ARID4B: variants seen among roughly 807,000 people sequenced by gnomAD.
ARID4B encodes the protein AT-rich interaction domain 4B.
In ARID4B, 26 loss-of-function variants were observed where a neutral mutation model predicts 147.5. That is an observed-to-expected ratio of 0.18 (90% CI 0.13 to 0.24). The LOEUF is 0.24. ARID4B is among the 10% of genes least tolerant of loss of function. The pLI, the probability that ARID4B is intolerant of heterozygous loss-of-function variation, is 1.00. For synonymous variants in ARID4B, 512 were observed against 507.9 expected (o/e 1.01, Z -0.11); for missense variants, 1,179 against 1,511.5 (o/e 0.78, Z 3.65).
At chr1:235,238,126 A>G (rs191514416) in intron 8 of ARID4B, among the ~76,000 whole-genome samples, 2,282 of 149,688 alleles carry the variant, frequency 0.015, 23 homozygotes, top group Non-Finnish European at 0.024. Context: ...CTGGGCAACA[A>G]GGGCGAAACT....
chr1:235,319,730 G>A (rs1180306454), intron 2 of ARID4B, among the ~76,000 whole-genome samples: 1 of 152,114 alleles, frequency 6.6e-6, no homozygotes, highest in Non-Finnish European at 1.5e-5. Flanking sequence ...AGGACGGCCA[G>A]GTGCAGTGGC....
At chr1:235,305,949 G>A (rs1572203293) in intron 2 of ARID4B, among the ~76,000 whole-genome samples, 1 of 152,210 alleles carries the variant, frequency 6.6e-6, no homozygotes, top group African/African-American at 2.4e-5. Context: ...AACAGAGCAA[G>A]AAACTCTGTC....
intron 21 of ARID4B, chr1:235,177,006 G>A (rs192016234): frequency 1.1e-5 from 5 of 461,078 alleles, no homozygotes; most frequent in South Asian, 3.1e-5. Flanking sequence ...TATTTTCTGT[G>A]GATTGATGCA....
intron 20 of ARID4B, among the ~76,000 whole-genome samples, chr1:235,179,787 T>C (rs1451913421): frequency 6.6e-6 from 1 of 151,406 alleles, no homozygotes; most frequent in Non-Finnish European, 1.5e-5. Context: ...ACTACAACAA[T>C]AGGCTAGGCA....
At chr1:235,215,313 G>A (rs1189444824) in intron 16 of ARID4B, among the ~76,000 whole-genome samples, 1 of 151,806 alleles carries the variant, frequency 6.6e-6, no homozygotes, top group East Asian at 1.9e-4. Flanking sequence ...TGAAATCCAA[G>A]GCTACATTTA....
At position 235,327,990 on chromosome 1, in the gene ARID4B, A is replaced by C. The variant is rs1675464127; in HGVS notation, c.-271T>G. 6.6e-6 allele frequency: 1 copy of C among 152,050 alleles called. No individual in the cohort carries two copies. Among genetic ancestry groups the C allele is most frequent in the Non-Finnish European group, 1.5e-5 (1 of 68,162 alleles). 9.4% of individuals were successfully genotyped at this position (152,050 alleles called of 1,614,324 possible). The stretch of plus-strand genomic sequence containing the variant: ...GTTGGGGGGAGGGGGACGACGAAAA[A>C]TCCCCCCCGGACTGGAGGTCCGGGC... On this transcript the variant is annotated 5_prime_UTR_variant, in exon 1 of 24. Coordinates refer to ENST00000264183, the MANE Select transcript of ARID4B (RefSeq NM_016374.6).
At chr1:235,194,235 C>T (rs371292438) in intron 18 of ARID4B, 24 bp from the exon 19 acceptor site, 164 of 1,517,196 alleles carry the variant, frequency 1.1e-4, no homozygotes, top group Non-Finnish European at 1.3e-4. Flanking sequence ...AAAAGTATGT[C>T]GTAATTTATC....
chr1:235,253,426 T>C (rs1350511741), intron 5 of ARID4B, among the ~76,000 whole-genome samples: 2 of 152,188 alleles, frequency 1.3e-5, no homozygotes, highest in Non-Finnish European at 2.9e-5. Context: ...CTCCAGGCAT[T>C]GCCAAATGTT....
intron 2 of ARID4B, among the ~76,000 whole-genome samples, chr1:235,263,863 G>A (rs1026083728): frequency 8.6e-5 from 13 of 151,856 alleles, no homozygotes; most frequent in African/African-American, 2.7e-4. Flanking sequence ...GCGTGGTGGC[G>A]CACACCTGTA....
At chr1:235,191,905 C>T (rs1245998460) in intron 19 of ARID4B, among the ~76,000 whole-genome samples, 1 of 152,022 alleles carries the variant, frequency 6.6e-6, no homozygotes, top group African/African-American at 2.4e-5. Flanking sequence ...GGGTGAAACC[C>T]CATCTCTACA....
chr1:235,200,783 GA>G (rs1665860385), intron 17 of ARID4B, among the ~76,000 whole-genome samples: 1 of 152,126 alleles, frequency 6.6e-6, no homozygotes, highest in Admixed American at 6.5e-5. Context: ...TAATAGATAA[GA>G]AAATAGTCAA....
chr1:235,276,774 G>C (rs936744232), intron 2 of ARID4B, among the ~76,000 whole-genome samples: 2 of 152,026 alleles, frequency 1.3e-5, no homozygotes, highest in Non-Finnish European at 2.9e-5. Flanking sequence ...GAAGCAGGGG[G>C]GATCACCTGA....
At chr1:235,217,529 G>A (rs1244108740) in intron 16 of ARID4B, among the ~76,000 whole-genome samples, 3 of 152,026 alleles carry the variant, frequency 2.0e-5, no homozygotes. Context: ...GTATCAGCAA[G>A]GATTTTCATC....
chr1:235,327,368 CGAG>C (rs1675376363), intron 1 of ARID4B: 1 of 152,756 alleles, frequency 6.5e-6, no homozygotes, highest in Admixed American at 6.5e-5. Flanking sequence ...CGGGGGCCAC[CGAG>C]GGGCCAGGAG....
intron 2 of ARID4B, among the ~76,000 whole-genome samples, chr1:235,285,875 TCTC>T (rs1312889739): frequency 1.3e-5 from 2 of 152,172 alleles, no homozygotes; most frequent in African/African-American, 4.8e-5. Flanking sequence ...GGCAGAGAGT[TCTC>T]ATTCTGAGAG....
intron 2 of ARID4B, among the ~76,000 whole-genome samples, chr1:235,271,055 T>A (rs1305610744): frequency 3.4e-5 from 5 of 148,072 alleles, no homozygotes; most frequent in South Asian, 2.1e-4. Flanking sequence ...GAGTTTGATT[T>A]AAAAAAAAAA....
rs190459542 is a variant in ARID4B at position 235,284,221 on chromosome 1, G to A, written c.7-23469C>T. ...CTAAACATACAAAAATTAGCTGGAC[G>A]TGGTGGCAGGCACCTGTAATCTCAG... On this transcript the variant is annotated intron_variant, in intron 2 of 23. Transcript: ENST00000264183. 1.3e-3 allele frequency among the ~76,000 whole-genome samples: 204 copies of A among 152,246 alleles called. 1 individual carries two copies. Among genetic ancestry groups the A allele is most frequent in the African/African-American group, 4.6e-3 (192 of 41,572 alleles).
intron 2 of ARID4B, among the ~76,000 whole-genome samples, chr1:235,270,841 C>G (rs1032872146): frequency 8.7e-6 from 1 of 115,208 alleles, no homozygotes; most frequent in African/African-American, 3.7e-5. Context: ...CATAAACTTT[C>G]ATGATCTGGA....
chr1:235,191,301 T>A (rs1442243234), intron 19 of ARID4B, among the ~76,000 whole-genome samples: 3 of 151,318 alleles, frequency 2.0e-5, no homozygotes, highest in Admixed American at 1.3e-4. Context: ...CAGGCTAGAG[T>A]GCAATGGTGT....
Sources: allele counts gnomAD v4.1 joint callset (sites outside exome capture counted in the v4.1 genomes callset), GRCh38; gene constraint gnomAD v4.1.1; transcripts MANE v1.5; gene names NCBI Gene and HGNC (gene_info 2026-07-23, HGNC 2026-07-21).